Variants in KCNAB1 observed in about 807,000 individuals in gnomAD.
KCNAB1 encodes the protein voltage-gated potassium channel subunit beta-1.
A neutral mutation model predicts 64.6 loss-of-function variants in KCNAB1; 35 were observed. The ratio of observed to expected loss-of-function variants is 0.54; its 90% CI spans 0.41 to 0.72. The LOEUF is 0.72. Among genes scored for constraint, KCNAB1 ranks in the 30% least tolerant of loss-of-function variants. The pLI, the probability that KCNAB1 is intolerant of heterozygous loss-of-function variation, is 0.00. For missense variants in KCNAB1, 401 were observed against 512.9 expected, an observed-to-expected ratio of 0.78 and a Z score of 2.11; for synonymous variants, 177 against 183.8, an observed-to-expected ratio of 0.96 and a Z score of 0.30.
intron 1 of KCNAB1, among the ~76,000 whole-genome samples, chr3:156,230,196 A>G (rs571717042): frequency 6.6e-6 from 1 of 152,346 alleles, no homozygotes; most frequent in East Asian, 1.9e-4. Context: ...ACAGTCATGT[A>G]CCACATAATG....
At chr3:156,242,068 C>T (rs1717190595) in intron 1 of KCNAB1, among the ~76,000 whole-genome samples, 1 of 152,168 alleles carries the variant, frequency 6.6e-6, no homozygotes, top group African/African-American at 2.4e-5. Context: ...CTTATCGAAT[C>T]TCTTTTTGGC....
At chr3:156,143,578 T>TGG (rs1714855422) in intron 1 of KCNAB1, among the ~76,000 whole-genome samples, 4 of 144,622 alleles carry the variant, frequency 2.8e-5, no homozygotes, top group South Asian at 2.2e-4. Flanking sequence ...TGTTTTTTTT[T>TGG]TTTTTTTTTT....
intron 3 of KCNAB1, chr3:156,456,953 C>T (rs1106297): frequency 0.027 from 4,189 of 153,930 alleles, 151 homozygotes; most frequent in East Asian, 0.12. Context: ...TCTACAATGG[C>T]GCCTGAGATT....
At chr3:156,407,032 T>C (rs377732652) in intron 1 of KCNAB1, among the ~76,000 whole-genome samples, 1 of 152,220 alleles carries the variant, frequency 6.6e-6, no homozygotes, top group Non-Finnish European at 1.5e-5. Flanking sequence ...CTCTCTGTTA[T>C]ACAATTCTAT....
intron 7 of KCNAB1, among the ~76,000 whole-genome samples, chr3:156,472,102 C>T (rs915020646): frequency 1.3e-5 from 2 of 152,084 alleles, no homozygotes; most frequent in Admixed American, 6.5e-5. Context: ...CTTGGCTCCC[C>T]GACCACCTCC....
chr3:156,160,091 C>G (rs932387855), intron 1 of KCNAB1, among the ~76,000 whole-genome samples: 4 of 152,158 alleles, frequency 2.6e-5, no homozygotes, highest in African/African-American at 9.7e-5. Context: ...GGCAGAAAAT[C>G]ATTCACAGGG....
chr3:156,438,368 C>G (rs1716740919), intron 2 of KCNAB1, among the ~76,000 whole-genome samples: 2 of 152,118 alleles, frequency 1.3e-5, no homozygotes, highest in Admixed American at 6.5e-5. Context: ...AGATTTCATC[C>G]CAAGTTAAAA....
intron 1 of KCNAB1, among the ~76,000 whole-genome samples, chr3:156,341,452 A>T (rs1046385836): frequency 1.1e-4 from 17 of 152,236 alleles, no homozygotes; most frequent in African/African-American, 3.4e-4. Flanking sequence ...TTGCACTGCC[A>T]TTGAGGCCTG....
intron 1 of KCNAB1, among the ~76,000 whole-genome samples, chr3:156,304,905 A>G (rs1286857830): frequency 1.3e-5 from 2 of 152,168 alleles, no homozygotes; most frequent in Non-Finnish European, 2.9e-5. Flanking sequence ...TATGGCAAGT[A>G]TTTATCCTAC....
At chr3:156,418,654 C>A (rs1417349574) in intron 1 of KCNAB1, among the ~76,000 whole-genome samples, 1 of 152,198 alleles carries the variant, frequency 6.6e-6, no homozygotes, top group East Asian at 1.9e-4. Flanking sequence ...GTGAGTGGCA[C>A]CATCCTGTGT....
chr3:156,304,766 G>A lies in KCNAB1; in HGVS notation c.276-116850G>A, dbSNP rs377255542. Among the ~76,000 whole-genome samples, 34 of 152,122 alleles carry A rather than the reference G, an allele frequency of 2.2e-4. 1 individual carries two copies. Among genetic ancestry groups the A allele is most frequent in the African/African-American group, 7.2e-4 (30 of 41,420 alleles). The stretch of plus-strand genomic sequence containing the variant: ...TAACGGAAGGTTCAGCAGCCATTGC[G>A]GTTTTTTGTTTTTGGCAGTTCAAGC... On this transcript the variant is annotated intron_variant, in intron 1 of 13. Transcript: ENST00000490337.
intron 1 of KCNAB1, among the ~76,000 whole-genome samples, chr3:156,376,788 C>T (rs1268410869): frequency 6.6e-6 from 1 of 152,084 alleles, no homozygotes; most frequent in Non-Finnish European, 1.5e-5. Context: ...TTTAAGAATG[C>T]AAGAGACTTG....
intron 1 of KCNAB1, chr3:156,176,383 C>G (rs1712370244): frequency 2.5e-6 from 2 of 790,904 alleles, no homozygotes; most frequent in Admixed American, 3.4e-5. Context: ...CTTCCAGAGT[C>G]CCAAAGCTTA....
At chr3:156,495,883 A>G (rs2108358801) in intron 8 of KCNAB1, among the ~76,000 whole-genome samples, 1 of 152,280 alleles carries the variant, frequency 6.6e-6, no homozygotes, top group South Asian at 2.1e-4. Context: ...AAAATGTCTC[A>G]TGAAGATAAC....
At chr3:156,385,192 G>A (rs914741547) in intron 1 of KCNAB1, among the ~76,000 whole-genome samples, 1 of 152,162 alleles carries the variant, frequency 6.6e-6, no homozygotes, top group Non-Finnish European at 1.5e-5. Flanking sequence ...AGACATCCGT[G>A]TTTGAGAAAC....
chr3:156,176,421 A>G (rs2108335632), intron 1 of KCNAB1: 1 of 784,326 alleles, frequency 1.3e-6, no homozygotes, highest in Non-Finnish European at 2.4e-6. Context: ...GCTAGTGCAA[A>G]CAAGGTGGCT....
intron 1 of KCNAB1, among the ~76,000 whole-genome samples, chr3:156,347,655 G>A (rs3772241): frequency 0.1 from 15,447 of 152,194 alleles, 928 homozygotes; most frequent in Middle Eastern, 0.21. Context: ...CAGTCATCAG[G>A]TTGTTTGATA....
intron 1 of KCNAB1, among the ~76,000 whole-genome samples, chr3:156,130,488 T>G (rs1230990215): frequency 6.6e-6 from 1 of 152,252 alleles, no homozygotes; most frequent in African/African-American, 2.4e-5. Context: ...ATGATCCATG[T>G]GCATGTGATG....
At chr3:156,424,194 G>A (rs753449291) in intron 2 of KCNAB1, among the ~76,000 whole-genome samples, 3 of 152,166 alleles carry the variant, frequency 2.0e-5, no homozygotes, top group African/African-American at 7.2e-5. Flanking sequence ...GCAGTGAGAA[G>A]TGAGCTAAAA....
Sources: allele counts gnomAD v4.1 joint callset (sites outside exome capture counted in the v4.1 genomes callset), GRCh38; gene constraint gnomAD v4.1.1; transcripts MANE v1.5; gene names NCBI Gene and HGNC (gene_info 2026-07-23, HGNC 2026-07-21).